Variants in KCNIP4 observed in about 807,000 individuals in gnomAD.
KCNIP4 encodes the protein potassium voltage-gated channel interacting protein 4.
Under a neutral mutation model 34.0 loss-of-function variants are expected in KCNIP4, and 12 were observed. That is an observed-to-expected ratio of 0.35 (90% CI 0.23 to 0.57). KCNIP4 has a LOEUF of 0.57. KCNIP4 is among the 20% of genes least tolerant of loss of function. KCNIP4 has a pLI of 0.83. For synonymous variants in KCNIP4, 124 were observed against 102.2 expected (o/e 1.21, Z -1.29); for missense variants, 238 against 311.7 (o/e 0.76, Z 1.78).
At chr4:21,201,429 G>A (rs550893052) in intron 1 of KCNIP4, among the ~76,000 whole-genome samples, 1 of 152,306 alleles carries the variant, frequency 6.6e-6, no homozygotes, top group African/African-American at 2.4e-5. Context: ...GAACTCCTAA[G>A]TGCTCACACA....
At chr4:20,993,027 CAAA>C (rs11416440) in intron 1 of KCNIP4, among the ~76,000 whole-genome samples, 4 of 42,080 alleles carry the variant, frequency 9.5e-5, no homozygotes, top group East Asian at 9.5e-4. Context: ...GACTCCATCT[CAAA>C]AAAAAAAAAA....
intron 1 of KCNIP4, among the ~76,000 whole-genome samples, chr4:21,838,132 A>C (rs1298668117): frequency 6.6e-6 from 1 of 152,208 alleles, no homozygotes; most frequent in Non-Finnish European, 1.5e-5. Context: ...CTTCTGTTAC[A>C]CTATGGAAAA....
Position 21,129,546 on chromosome 4 carries a change from C to T in KCNIP4, c.62-246837G>A, listed in dbSNP as rs535287421. Among the ~76,000 whole-genome samples the T allele has an allele frequency of 4.6e-5, 7 of 152,280 alleles. No individual in the cohort carries two copies. In the South Asian group the frequency reaches 6.2e-4, roughly 14 times the overall value. On this transcript the variant is annotated intron_variant, in intron 1 of 8. Coordinates refer to ENST00000382152, the MANE Select transcript of KCNIP4 (RefSeq NM_025221.6). The stretch of plus-strand genomic sequence containing the variant: ...CTTCATCCAAGCATCATTGTGTCCA[C>T]GGCAAGGAGTGTAATTCAGGTGCAA...
At chr4:21,276,640 A>C (rs990857264) in intron 1 of KCNIP4, among the ~76,000 whole-genome samples, 4 of 152,114 alleles carry the variant, frequency 2.6e-5, no homozygotes, top group Non-Finnish European at 4.4e-5. Flanking sequence ...TGTTGCAAGC[A>C]CTGCTAGCTT....
intron 1 of KCNIP4, among the ~76,000 whole-genome samples, chr4:21,526,168 A>C (rs1735958537): frequency 6.6e-6 from 1 of 152,182 alleles, no homozygotes; most frequent in South Asian, 2.1e-4. Context: ...TTGAATTGTA[A>C]TAATCCCTAC....
chr4:21,759,610 G>A (rs531136387), intron 1 of KCNIP4, among the ~76,000 whole-genome samples: 1 of 152,178 alleles, frequency 6.6e-6, no homozygotes, highest in African/African-American at 2.4e-5. Context: ...CCTGAGATCT[G>A]GGAAGTCATT....
chr4:21,612,573 G>A (rs1246501292), intron 1 of KCNIP4, among the ~76,000 whole-genome samples: 1 of 152,200 alleles, frequency 6.6e-6, no homozygotes, highest in East Asian at 1.9e-4. Context: ...GAATGCATTT[G>A]ATGAAAACAA....
intron 1 of KCNIP4, among the ~76,000 whole-genome samples, chr4:21,040,462 A>T (rs932792755): frequency 2.0e-5 from 3 of 152,222 alleles, no homozygotes; most frequent in Non-Finnish European, 2.9e-5. Context: ...AGAAATATTT[A>T]ATCTGAGGCT....
chr4:21,295,458 A>G (rs1253510743), intron 1 of KCNIP4, among the ~76,000 whole-genome samples: 1 of 152,138 alleles, frequency 6.6e-6, no homozygotes, highest in Non-Finnish European at 1.5e-5. Flanking sequence ...AAGTCCTTAT[A>G]ATGGCCCTGT....
At chr4:21,109,435 G>A (rs9985755) in intron 1 of KCNIP4, among the ~76,000 whole-genome samples, 92 of 151,990 alleles carry the variant, frequency 6.1e-4, no homozygotes, top group African/African-American at 2.1e-3. Context: ...CTGGTGTGCC[G>A]TTTTTTAAGC....
Position 21,519,468 on chromosome 4 carries a change from ATGTG to A in KCNIP4, c.61+429099_61+429102del, listed in dbSNP as rs1273315846. Among the ~76,000 whole-genome samples the A allele has an allele frequency of 4.1e-4, 41 of 98,874 alleles. 2 individuals carry two copies. Among genetic ancestry groups the A allele is most frequent in the East Asian group, 2.0e-3 (7 of 3,458 alleles). The allele number at this position is 98,874 out of a possible 152,430, so 64.9% of individuals were successfully genotyped here. On this transcript the variant is annotated intron_variant, in intron 1 of 8. Coordinates refer to ENST00000382152, the MANE Select transcript of KCNIP4 (RefSeq NM_025221.6). ...TATGTGTATATACACATATGTGTGTATGTGTATGTGTATATACACATATGTGTGT... is the reference window on the plus strand; with the variant it reads ...TATGTGTATATACACATATGTGTGTATATGTGTATATACACATATGTGTGT...
At chr4:20,870,120 C>T (rs944760232) in intron 2 of KCNIP4, among the ~76,000 whole-genome samples, 1 of 152,028 alleles carries the variant, frequency 6.6e-6, no homozygotes, top group African/African-American at 2.4e-5. Context: ...AATAAACTGT[C>T]CAAAGACACA....
At chr4:21,442,190 C>T (rs1727541048) in intron 1 of KCNIP4, among the ~76,000 whole-genome samples, 1 of 152,056 alleles carries the variant, frequency 6.6e-6, no homozygotes, top group African/African-American at 2.4e-5. Context: ...TAGAGGGTAC[C>T]ATAGACATCT....
chr4:21,377,789 T>C (rs771069104), intron 1 of KCNIP4, among the ~76,000 whole-genome samples: 13 of 152,320 alleles, frequency 8.5e-5, no homozygotes, highest in Non-Finnish European at 1.6e-4. Context: ...CATATTATAG[T>C]TCCTCTGGTC....
At chr4:21,307,129 C>CT (rs1712570386) in intron 1 of KCNIP4, among the ~76,000 whole-genome samples, 2 of 152,250 alleles carry the variant, frequency 1.3e-5, no homozygotes, top group South Asian at 4.2e-4. Flanking sequence ...GCAACCGTGC[C>CT]GGGCCGGCAG....
At chr4:21,678,446 G>C (rs537136502) in intron 1 of KCNIP4, among the ~76,000 whole-genome samples, 2 of 151,406 alleles carry the variant, frequency 1.3e-5, no homozygotes, top group Non-Finnish European at 2.9e-5. Context: ...CAACTTAATT[G>C]TAACTGCTGT....
At chr4:21,918,345 G>T (rs1053829042) in intron 1 of KCNIP4, among the ~76,000 whole-genome samples, 1 of 152,144 alleles carries the variant, frequency 6.6e-6, no homozygotes, top group Non-Finnish European at 1.5e-5. Flanking sequence ...GGGAGATATA[G>T]GAAAACTGGA....
chr4:20,793,678 T>C (rs1181482823), intron 3 of KCNIP4, among the ~76,000 whole-genome samples: 1 of 152,098 alleles, frequency 6.6e-6, no homozygotes, highest in East Asian at 1.9e-4. Flanking sequence ...TGATTTCTCT[T>C]ATTATTACAT....
At chr4:21,556,275 G>A (rs1356834546) in intron 1 of KCNIP4, among the ~76,000 whole-genome samples, 1 of 152,082 alleles carries the variant, frequency 6.6e-6, no homozygotes, top group African/African-American at 2.4e-5. Flanking sequence ...ATTGTATGAT[G>A]TGTTTTATCA....
Sources: gnomAD v4.1 joint callset for allele counts (sites outside exome capture counted in the v4.1 genomes callset) on GRCh38, gnomAD v4.1.1 for gene constraint, MANE v1.5 for transcripts, NCBI Gene and HGNC (gene_info 2026-07-23, HGNC 2026-07-21) for gene names.